Variants in AGAP1 observed in about 807,000 individuals in gnomAD.
AGAP1 encodes the protein arf-GAP with GTPase, ANK repeat and PH domain-containing protein 1.
A neutral mutation model predicts 105.3 loss-of-function variants in AGAP1; 29 were observed. That is an observed-to-expected ratio of 0.28 (90% confidence interval 0.21 to 0.38). The LOEUF (loss-of-function observed/expected upper bound fraction) is 0.38, where lower values mean the gene tolerates loss of function less well. AGAP1 is among the 10% of genes least tolerant of loss of function. AGAP1 has a pLI of 1.00. For synonymous variants in AGAP1, 509 were observed against 485.9 expected (o/e 1.05, Z -0.63); for missense variants, 998 against 1,165.1 (o/e 0.86, Z 2.09).
rs1946968064 is a variant in AGAP1, at chr2:235,635,533, T to C, written c.164-73646T>C. On this transcript the variant is annotated intron_variant, in intron 1 of 17. Coordinates refer to ENST00000304032, the MANE Select transcript of AGAP1 (RefSeq NM_001037131.3). The surrounding 1 kb of genome is among the most constrained non-coding windows in gnomAD (Gnocchi z 5.3). ...ATGATTCAACATGATTTGGAAACCA[T>C]GGGGTAAGTCTCTGAGGAACAAGAA... 6.6e-6 allele frequency among the ~76,000 whole-genome samples: 1 copy of C among 152,042 alleles called. No homozygotes were observed. The highest frequency in any genetic ancestry group is 1.5e-5 in the Non-Finnish European group (1 of 68,016).
Position 236,089,484 on chromosome 2 carries a change from A to G in AGAP1, c.2115-30708A>G, listed in dbSNP as rs1204713352. On this transcript the variant is annotated intron_variant, in intron 16 of 17. Transcript: ENST00000304032. The surrounding 1 kb of genome is among the most constrained non-coding windows in gnomAD (Gnocchi z 5.6). ...CTGGCAGAAGAGAGTGAGCGTAGCAACTGGGAGGTGGCCTGATGGCCTGCG... is the reference window on the plus strand; with the variant it reads ...CTGGCAGAAGAGAGTGAGCGTAGCAGCTGGGAGGTGGCCTGATGGCCTGCG... Among the ~76,000 whole-genome samples the G allele has an allele frequency of 6.6e-6, 1 of 152,214 alleles. No individual in the cohort carries two copies. The highest frequency in any genetic ancestry group is 1.5e-5 in the Non-Finnish European group (1 of 68,040).
intron 1 of AGAP1, among the ~76,000 whole-genome samples, chr2:235,697,618 G>A (rs1469301032): frequency 2.6e-5 from 4 of 152,168 alleles, no homozygotes; most frequent in Non-Finnish European, 5.9e-5. Context: ...CTCTTGTGGC[G>A]AAAATTCAGC....
At position 235,721,944 on chromosome 2, in the gene AGAP1, A is replaced by G. The variant is rs183037910; in HGVS notation, c.310+4300A>G. 3.3e-5 allele frequency among the ~76,000 whole-genome samples: 5 copies of G among 152,318 alleles called. No individual in the cohort carries two copies. Among genetic ancestry groups the G allele is most frequent in the Admixed American group, 2.6e-4 (4 of 15,298 alleles). On this transcript the variant is annotated intron_variant, in intron 3 of 17. Transcript: ENST00000304032. This position sits in a 1 kb window ranked among gnomAD's most constrained non-coding sequence, Gnocchi z 4.5. ...TTAATTGTGTGATGCATTTTGGTTG[A>G]TATTTTATTGTTACAGTGAAGAGAG...
At chr2:235,514,493 C>T (rs768573386) in intron 1 of AGAP1, among the ~76,000 whole-genome samples, 3 of 152,266 alleles carry the variant, frequency 2.0e-5, no homozygotes, top group South Asian at 2.1e-4. Flanking sequence ...TGGAGGATAC[C>T]GTCAGCCAGG....
At chr2:235,947,127 A>G (rs1019357265) in intron 12 of AGAP1, among the ~76,000 whole-genome samples, 3 of 152,064 alleles carry the variant, frequency 2.0e-5, no homozygotes, top group African/African-American at 7.2e-5. Flanking sequence ...TTTTGGTTAC[A>G]TGGATCAGTT....
At chr2:236,052,511 G>C (rs919724512) in intron 16 of AGAP1, among the ~76,000 whole-genome samples, 1 of 152,156 alleles carries the variant, frequency 6.6e-6, no homozygotes, top group Non-Finnish European at 1.5e-5. Context: ...GCTTATAATT[G>C]GTTCCAGTTA....
At chr2:235,558,923 A>T (rs1007701203) in intron 1 of AGAP1, among the ~76,000 whole-genome samples, 2 of 152,038 alleles carry the variant, frequency 1.3e-5, no homozygotes, top group African/African-American at 4.8e-5. Context: ...ATTACACGTC[A>T]TTGAAGATTT....
chr2:236,070,613 A>G (rs1212968593), intron 16 of AGAP1, among the ~76,000 whole-genome samples: 1 of 152,272 alleles, frequency 6.6e-6, no homozygotes, highest in Non-Finnish European at 1.5e-5. Context: ...TTGTTCAGCC[A>G]CAGAAAAGAC....
In AGAP1 at chr2:236,040,616, CAA is replaced by C. The variant is rs968854365; in HGVS notation, c.1801-134_1801-133del. ...ATGCTCTTTCCCAAAGACATCAAAA[CAA>C]GAGTGATTGTTTAGAAATTACCCTC... is the stretch of plus-strand genomic sequence containing the variant. On this transcript the variant is annotated intron_variant, in intron 14 of 17. Coordinates refer to ENST00000304032, the MANE Select transcript of AGAP1 (RefSeq NM_001037131.3). This position sits in a 1 kb window ranked among gnomAD's most constrained non-coding sequence, Gnocchi z 5.6. The C allele has an allele frequency of 3.3e-5, 15 of 461,212 alleles. No individual in the cohort carries two copies. The highest frequency in any genetic ancestry group is 4.8e-5 in the Non-Finnish European group (13 of 269,778). 28.6% of individuals were successfully genotyped at this position (461,212 alleles called of 1,614,324 possible).
intron 15 of AGAP1, among the ~76,000 whole-genome samples, chr2:236,047,138 G>A (rs536848014): frequency 1.3e-5 from 2 of 152,316 alleles, no homozygotes; most frequent in East Asian, 3.9e-4. Context: ...GTGTTGTGAG[G>A]AGGGGTGGGG....
At chr2:235,563,529 T>G (rs1021512085) in intron 1 of AGAP1, among the ~76,000 whole-genome samples, 1 of 149,276 alleles carries the variant, frequency 6.7e-6, no homozygotes, top group Non-Finnish European at 1.5e-5. Context: ...ACTGGGCTAT[T>G]TTTACAGTCA....
In AGAP1 at chr2:235,596,911, C is replaced by A. The variant is rs1945543863; in HGVS notation, c.163+102062C>A. Among the ~76,000 whole-genome samples, 1 of 152,146 alleles carries A rather than the reference C, an allele frequency of 6.6e-6. No homozygotes were observed. The highest frequency in any genetic ancestry group is 2.1e-4 in the South Asian group (1 of 4,822). The stretch of plus-strand genomic sequence containing the variant: ...CCCTCAGGAGCGCTTGCTCTGTACC[C>A]TATGAGGACATCATGAGGAGATATG... On this transcript the variant is annotated intron_variant, in intron 1 of 17. Transcript: ENST00000304032. This position sits in a 1 kb window ranked among gnomAD's most constrained non-coding sequence, Gnocchi z 5.9.
Position 235,751,099 on chromosome 2 carries a change from T to C in AGAP1, c.673+611T>C, listed in dbSNP as rs956560261. Among the ~76,000 whole-genome samples, 1 of 152,132 alleles carries C rather than the reference T, an allele frequency of 6.6e-6. No individual in the cohort carries two copies. Among genetic ancestry groups the C allele is most frequent in the African/African-American group, 2.4e-5 (1 of 41,416 alleles). ...AAATTCTCCTAGGAGAGCATGAGGT[T>C]CTGCAAGAGGGTCACATACTTGTGG... On this transcript the variant is annotated intron_variant, in intron 6 of 17. Coordinates refer to ENST00000304032, the MANE Select transcript of AGAP1 (RefSeq NM_001037131.3). This position sits in a 1 kb window ranked among gnomAD's most constrained non-coding sequence, Gnocchi z 5.3.
At chr2:235,881,150 C>T (rs941766786) in intron 9 of AGAP1, among the ~76,000 whole-genome samples, 3 of 152,116 alleles carry the variant, frequency 2.0e-5, no homozygotes, top group African/African-American at 7.2e-5. Flanking sequence ...CAAGCTGGCT[C>T]ATACTTTATT....
At position 236,131,129 on chromosome 2, in the gene AGAP1, G is replaced by C. The variant is rs1028055696; in HGVS notation, c.*7007G>C. 1.3e-5 allele frequency: 2 copies of C among 152,272 alleles called. No individual in the cohort carries two copies. Among genetic ancestry groups the C allele is most frequent in the Admixed American group, 1.3e-4 (2 of 15,280 alleles). The allele number at this position is 152,272 out of a possible 1,614,324, so 9.4% of individuals were successfully genotyped here. A position where few individuals can be genotyped will look rare whatever the true frequency, so the allele number is the denominator to read the frequency against. ...GCATCAGTTTCCCTCCCACGGCTGG[G>C]TTTTTGTGTCTGAAATACATCTAAT... On this transcript the variant is annotated 3_prime_UTR_variant, in exon 18 of 18. Transcript: ENST00000304032. The surrounding 1 kb of genome is among the most constrained non-coding windows in gnomAD (Gnocchi z 5.9).
In AGAP1 at chr2:235,653,470, TAAATAAAATA is replaced by T. The variant is rs749611997; in HGVS notation, c.164-55688_164-55679del. On this transcript the variant is annotated intron_variant, in intron 1 of 17. Coordinates refer to ENST00000304032, the MANE Select transcript of AGAP1 (RefSeq NM_001037131.3). The stretch of plus-strand genomic sequence containing the variant: ...AAGAGCGAAGCCTCCATCTCAAAAA[TAAATAAAATA>T]AAATAAAATAAAATAAAATATAACA... 4.7e-3 allele frequency among the ~76,000 whole-genome samples: 678 copies of T among 143,514 alleles called. 6 individuals carry two copies. Among genetic ancestry groups the T allele is most frequent in the African/African-American group, 0.016 (577 of 36,946 alleles). 94.2% of individuals were successfully genotyped at this position (143,514 alleles called of 152,430 possible). A position where few individuals can be genotyped will look rare whatever the true frequency, so the allele number is the denominator to read the frequency against.
At chr2:235,558,482 A>C (rs953115023) in intron 1 of AGAP1, among the ~76,000 whole-genome samples, 1 of 152,106 alleles carries the variant, frequency 6.6e-6, no homozygotes, top group Non-Finnish European at 1.5e-5. Flanking sequence ...GAAAATACTC[A>C]GAGCTTTTCC....
At chr2:236,057,702 C>T (rs991137372) in intron 16 of AGAP1, among the ~76,000 whole-genome samples, 2 of 152,178 alleles carry the variant, frequency 1.3e-5, no homozygotes, top group Non-Finnish European at 2.9e-5. Context: ...TGTCTCAGGC[C>T]ATAGAGTTCC....
intron 1 of AGAP1, among the ~76,000 whole-genome samples, chr2:235,699,946 G>C (rs992866809): frequency 7.2e-5 from 11 of 152,316 alleles, no homozygotes; most frequent in Admixed American, 5.2e-4. Context: ...CTCGGTGTTG[G>C]GGGAACGGCC....
Sources: gnomAD v4.1 joint callset for allele counts (sites outside exome capture counted in the v4.1 genomes callset) on GRCh38, gnomAD v4.1.1 for gene constraint, Gnocchi (gnomAD v3.1) non-coding constraint, MANE v1.5 for transcripts, NCBI Gene and HGNC (gene_info 2026-07-23, HGNC 2026-07-21) for gene names.